Variants in POLD3 observed in about 807,000 individuals in gnomAD.
POLD3 encodes the protein DNA polymerase delta subunit 3.
POLD3 carries 19 observed loss-of-function variants against 58.2 expected under a neutral mutation model. That is an observed-to-expected ratio of 0.33 (90% CI 0.23 to 0.48). The LOEUF is 0.48. POLD3 is among the 20% of genes least tolerant of loss of function. POLD3 has a pLI of 0.99. For synonymous variants in POLD3, 172 were observed against 193.5 expected (o/e 0.89, Z 0.92); for missense variants, 504 against 545.5 (o/e 0.92, Z 0.76).
intron 3 of POLD3, among the ~76,000 whole-genome samples, chr11:74,606,867 TGCCTATCTTTTTTTAGCA>T (rs1401738162): frequency 1.3e-5 from 2 of 152,262 alleles, no homozygotes; most frequent in Non-Finnish European, 2.9e-5. Context: ...ATTTAAATTC[TGCCTATCTTTTTTTAGCA>T]GCAGAGTGCT....
chr11:74,603,900 G>A (rs1484085207), intron 2 of POLD3, among the ~76,000 whole-genome samples: 1 of 152,166 alleles, frequency 6.6e-6, no homozygotes, highest in Non-Finnish European at 1.5e-5. Flanking sequence ...ATTGAAGGGA[G>A]CCAACTTCTG....
chr11:74,641,231 C>T lies in POLD3; in HGVS notation c.*465C>T, dbSNP rs992613196. ...TACCCCTCTTGTCTTCCTGCAGTAC[C>T]ACACTTCTGTCCCCTAACCTCCTGA... is the stretch of plus-strand genomic sequence containing the variant. On this transcript the variant is annotated 3_prime_UTR_variant, in exon 12 of 12. Transcript: ENST00000263681. 2.0e-6 allele frequency: 2 copies of T among 985,442 alleles called. No homozygotes were observed. The highest frequency in any genetic ancestry group is 4.7e-5 in the South Asian group (1 of 21,290). 61.0% of individuals were successfully genotyped at this position (985,442 alleles called of 1,614,324 possible).
intron 5 of POLD3, among the ~76,000 whole-genome samples, chr11:74,616,629 G>C (rs1018775070): frequency 6.6e-6 from 1 of 152,196 alleles, no homozygotes; most frequent in Non-Finnish European, 1.5e-5. Flanking sequence ...ATTTCCGTCT[G>C]TTCTTAACTC....
In POLD3 at chr11:74,598,840, C is replaced by T. The variant is rs527820232; in HGVS notation, c.116+4724C>T. On this transcript the variant is annotated intron_variant, in intron 2 of 11. Coordinates refer to ENST00000263681, the MANE Select transcript of POLD3 (RefSeq NM_006591.3). ...GCCTTTTCTGACTAGCCTCAGAAGTCAAGCAGTGAATAACTGGTCATACCA... is the reference window on the plus strand; with the variant it reads ...GCCTTTTCTGACTAGCCTCAGAAGTTAAGCAGTGAATAACTGGTCATACCA... Among the ~76,000 whole-genome samples the T allele has an allele frequency of 3.3e-5, 5 of 152,136 alleles. No homozygotes were observed. In the East Asian group the frequency reaches 9.7e-4, roughly 30 times the overall value.
rs2032949014 is a variant in POLD3 at position 74,642,844 on chromosome 11, T to C, written c.*2078T>C. 2 of 985,138 alleles carry C rather than the reference T, an allele frequency of 2.0e-6. No homozygotes were observed. The highest frequency in any genetic ancestry group is 2.4e-6 in the Non-Finnish European group (2 of 829,762). 61.0% of individuals were successfully genotyped at this position (985,138 alleles called of 1,614,324 possible). A position where few individuals can be genotyped will look rare whatever the true frequency, so the allele number is the denominator to read the frequency against. ...TTCAGTTGATATTGTTAAAACTGCA[T>C]ACCCACAGTCTGAGATGAACAAGTT... On this transcript the variant is annotated 3_prime_UTR_variant, in exon 12 of 12. Transcript: ENST00000263681.
chr11:74,621,583 C>G (rs1405195358), intron 7 of POLD3, among the ~76,000 whole-genome samples: 2 of 152,004 alleles, frequency 1.3e-5, no homozygotes, highest in Non-Finnish European at 2.9e-5. Flanking sequence ...TTATTTAAAT[C>G]ATGTGTTTAG....
At chr11:74,626,488 T>G (rs2135162154) in intron 8 of POLD3, among the ~76,000 whole-genome samples, 1 of 152,342 alleles carries the variant, frequency 6.6e-6, no homozygotes, top group South Asian at 2.1e-4. Context: ...TTGAATTGAT[T>G]GGATGCTCAG....
chr11:74,622,444 G>A (rs1321697448), intron 7 of POLD3, among the ~76,000 whole-genome samples: 1 of 152,064 alleles, frequency 6.6e-6, no homozygotes, highest in Non-Finnish European at 1.5e-5. Context: ...GTGTTATGAT[G>A]GCATGTAACA....
intron 5 of POLD3, among the ~76,000 whole-genome samples, chr11:74,615,317 G>GC (rs1426996111): frequency 6.6e-6 from 1 of 152,186 alleles, no homozygotes; most frequent in Non-Finnish European, 1.5e-5. Context: ...AAAAAGAGGG[G>GC]CCCAAGGGGA....
intron 4 of POLD3, among the ~76,000 whole-genome samples, chr11:74,657,942 C>T (rs768175907): frequency 6.6e-6 from 1 of 152,088 alleles, no homozygotes; most frequent in African/African-American, 2.4e-5. Flanking sequence ...TCCCTTGGGA[C>T]TTTAAATATG....
intron 4 of POLD3, among the ~76,000 whole-genome samples, chr11:74,655,532 A>G (rs937053819): frequency 6.6e-6 from 1 of 152,216 alleles, no homozygotes; most frequent in Non-Finnish European, 1.5e-5. Context: ...AACTTTATCA[A>G]TCAACTTGAC....
chr11:74,639,519 GCTTGCTGCAAC>G (rs1233819303), intron 11 of POLD3, among the ~76,000 whole-genome samples: 1 of 152,130 alleles, frequency 6.6e-6, no homozygotes, highest in East Asian at 1.9e-4. Flanking sequence ...TTTCTCTATC[GCTTGCTGCAAC>G]CAGGAAGGCT....
chr11:74,669,281 G>A (rs1368169784), downstream of POLD3, among the ~76,000 whole-genome samples: 7 of 152,152 alleles, frequency 4.6e-5, no homozygotes, highest in Non-Finnish European at 1.5e-5. Context: ...CAAATGTAAG[G>A]GATTATTATA....
intron 8 of POLD3, 157 bp from the exon 9 acceptor site, chr11:74,629,060 A>C: frequency 1.9e-6 from 1 of 522,980 alleles, no homozygotes; most frequent in Non-Finnish European, 3.4e-6. Context: ...CAGTTAGCAG[A>C]GTATCCTTAA....
chr11:74,648,485 A>G (rs2033029008), intron 4 of POLD3, among the ~76,000 whole-genome samples: 1 of 152,156 alleles, frequency 6.6e-6, no homozygotes. Context: ...TGCCTGAGGG[A>G]TTAAGGGAAG....
intron 1 of POLD3, among the ~76,000 whole-genome samples, chr11:74,593,286 C>G (rs540926088): frequency 1.3e-5 from 2 of 152,150 alleles, no homozygotes; most frequent in Non-Finnish European, 2.9e-5. Flanking sequence ...CAGTGACCTC[C>G]CCGCACCCCA....
Position 74,642,653 on chromosome 11 carries a change from G to A in POLD3, c.*1887G>A, listed in dbSNP as rs2032943922. 6.8e-6 allele frequency: 6 copies of A among 886,084 alleles called. No individual in the cohort carries two copies. The highest frequency in any genetic ancestry group is 8.1e-6 in the Non-Finnish European group (6 of 741,662). 54.9% of individuals were successfully genotyped at this position (886,084 alleles called of 1,614,324 possible). ...CAAGGCTTAGTAAGTATTGAGTGGT[G>A]TTTTTTTTTTCTTTTTATACAATAC... On this transcript the variant is annotated 3_prime_UTR_variant, in exon 12 of 12. Transcript: ENST00000263681.
chr11:74,636,319 A>G, intron 11 of POLD3, 44 bp downstream of exon 11: 5 of 1,584,950 alleles, frequency 3.2e-6, no homozygotes, highest in Non-Finnish European at 4.3e-6. Context: ...AGAATCTCTT[A>G]TTACCACAGA....
chr11:74,619,195 T>C (rs1393555726), intron 6 of POLD3, among the ~76,000 whole-genome samples: 2 of 152,244 alleles, frequency 1.3e-5, no homozygotes, highest in African/African-American at 4.8e-5. Flanking sequence ...CTTCCTAGTG[T>C]ATTTCCCATT....
Sources: gnomAD v4.1 joint callset for allele counts (sites outside exome capture counted in the v4.1 genomes callset) on GRCh38, gnomAD v4.1.1 for gene constraint, MANE v1.5 for transcripts, NCBI Gene and HGNC (gene_info 2026-07-23, HGNC 2026-07-21) for gene names.